Variants in AQR observed in about 807,000 individuals in gnomAD.
The protein encoded by AQR is aquarius intron-binding spliceosomal factor.
A neutral mutation model predicts 180.5 loss-of-function variants in AQR; 61 were observed. That is an observed-to-expected ratio of 0.34 (90% CI 0.28 to 0.42). The LOEUF (loss-of-function observed/expected upper bound fraction) is 0.42. Ranked by LOEUF, AQR falls within the 10% of genes least tolerant of loss-of-function variation. The pLI, the probability that AQR is intolerant of heterozygous loss-of-function variation, is 1.00. For missense variants in AQR, 1,281 were observed against 1,798.3 expected (o/e 0.71, Z 5.20); for synonymous variants, 551 against 588.8 (o/e 0.94, Z 0.93).
chr15:34,896,958 A>G lies in AQR; in HGVS notation c.2399T>C (p.Ile800Thr). The change falls in exon 22 of 35, where the codon ATT becomes ACT. Residue 800 changes from isoleucine to threonine, a missense_variant. Coordinates refer to ENST00000156471, the MANE Select transcript of AQR (RefSeq NM_014691.3). ...YPYNQPKRNT[I>T]QFTHTQIEAI... Reference sequence around the variant, plus strand: ...TTCTATCTGTGTATGAGTGAACTGAATCGTATTACTGCAAATAAGAGTAAA... The same window carrying G: ...TTCTATCTGTGTATGAGTGAACTGAGTCGTATTACTGCAAATAAGAGTAAA... 1 of 1,612,134 alleles carries G rather than the reference A, an allele frequency of 6.2e-7. No homozygotes were observed. Among genetic ancestry groups the G allele is most frequent in the Non-Finnish European group, 8.5e-7 (1 of 1,178,184 alleles).
At chr15:34,890,658 T>C (rs1486881136) in intron 23 of AQR, among the ~76,000 whole-genome samples, 2 of 152,196 alleles carry the variant, frequency 1.3e-5, no homozygotes, top group East Asian at 1.9e-4. Flanking sequence ...CAGCATTTCC[T>C]TGGGTTACAG....
At chr15:34,918,674 A>G (rs1284577668) in intron 14 of AQR, among the ~76,000 whole-genome samples, 2 of 152,240 alleles carry the variant, frequency 1.3e-5, no homozygotes, top group Non-Finnish European at 2.9e-5. Flanking sequence ...AAACAGATAA[A>G]GTGCCACACA....
intron 4 of AQR, among the ~76,000 whole-genome samples, chr15:34,950,025 C>T (rs1046972814): frequency 6.6e-6 from 1 of 150,458 alleles, no homozygotes; most frequent in African/African-American, 2.4e-5. Flanking sequence ...CTCATTCTAG[C>T]CTCCACATAC....
intron 26 of AQR, among the ~76,000 whole-genome samples, chr15:34,883,440 C>A (rs1263530950): frequency 6.6e-6 from 1 of 152,134 alleles, no homozygotes; most frequent in Non-Finnish European, 1.5e-5. Flanking sequence ...CCTCCCAAGG[C>A]AGCTATTATT....
Position 34,858,814 on chromosome 15 carries a change from T to C in AQR, c.4143+1228A>G, listed in dbSNP as rs1892628312. Among the ~76,000 whole-genome samples, 3 of 152,170 alleles carry C rather than the reference T, an allele frequency of 2.0e-5. No individual in the cohort carries two copies. The South Asian group carries it at 6.2e-4, about 32-fold the overall frequency. ...TAGTCAATTGATATTTTGACTAAGA[T>C]GACAAGCAAGTCAACAAAGAAAAAA... On this transcript the variant is annotated intron_variant, in intron 34 of 34. Coordinates refer to ENST00000156471, the MANE Select transcript of AQR (RefSeq NM_014691.3).
chr15:34,949,037 G>C (rs1354322175), intron 4 of AQR, among the ~76,000 whole-genome samples: 1 of 151,772 alleles, frequency 6.6e-6, no homozygotes, highest in Non-Finnish European at 1.5e-5. Context: ...TTGTGGCCCA[G>C]ACTGGAGTAC....
rs1322490313 is a variant in AQR at position 34,870,610 on chromosome 15, C to A, written c.3768+142G>T. The A allele has an allele frequency of 1.8e-5, 12 of 648,758 alleles. No individual in the cohort carries two copies. In the East Asian group the frequency reaches 3.5e-4, roughly 19 times the overall value. 40.2% of individuals were successfully genotyped at this position (648,758 alleles called of 1,614,324 possible). A position where few individuals can be genotyped will look rare whatever the true frequency, so the allele number is the denominator to read the frequency against. On this transcript the variant is annotated intron_variant, in intron 31 of 34. Transcript: ENST00000156471. Reference sequence around the variant, plus strand: ...AGTCACATCAAACCAGCAAGACTGTCAGAGAGTTATTTATAGTTCCCATTA... The same window carrying A: ...AGTCACATCAAACCAGCAAGACTGTAAGAGAGTTATTTATAGTTCCCATTA...
chr15:34,927,200 T>G, intron 12 of AQR, 62 bp from the exon 13 acceptor site: 1 of 913,306 alleles, frequency 1.1e-6, no homozygotes, highest in South Asian at 2.4e-5. Context: ...AAACATCTAC[T>G]ATTTAAGAAT....
intron 6 of AQR, chr15:34,943,198 G>A (rs757298514): frequency 1.5e-5 from 24 of 1,610,362 alleles, no homozygotes; most frequent in Admixed American, 8.3e-5. Context: ...GGAAAGCGGC[G>A]TTATGACAGG....
chr15:34,911,143 G>A (rs8040333), intron 16 of AQR, among the ~76,000 whole-genome samples: 66,948 of 152,034 alleles, frequency 0.44, 17,799 homozygotes, highest in Non-Finnish European at 0.6. Context: ...ATCCCATTGT[G>A]TGTTTTTATA....
At chr15:34,935,208 A>G (rs546818129) in intron 9 of AQR, among the ~76,000 whole-genome samples, 42 of 152,260 alleles carry the variant, frequency 2.8e-4, no homozygotes, top group African/African-American at 9.9e-4. Context: ...TTAAATCACT[A>G]GCTTATTATA....
rs778585380 is a variant in AQR, at chr15:34,886,601, T to A, written c.2742A>T (p.Arg914=). ...CTGGAACCCCTAGACTCTTTTGCAATCGTTTGACTTCTTCTAAAAGTTCTA... is the reference window on the plus strand; with the variant it reads ...CTGGAACCCCTAGACTCTTTTGCAAACGTTTGACTTCTTCTAAAAGTTCTA... ...RRIELLEEVK[R]LQKSLGVPGD... The change falls in exon 25 of 35, where the codon CGA becomes CGT. Residue 914 remains arginine, a synonymous_variant. Coordinates refer to ENST00000156471, the MANE Select transcript of AQR (RefSeq NM_014691.3). 7.4e-6 allele frequency: 12 copies of A among 1,614,062 alleles called. No individual in the cohort carries two copies. The highest frequency in any genetic ancestry group is 6.7e-5 in the Admixed American group (4 of 60,020).
intron 20 of AQR, among the ~76,000 whole-genome samples, chr15:34,898,774 C>T (rs1398816625): frequency 1.3e-5 from 2 of 151,596 alleles, no homozygotes; most frequent in Non-Finnish European, 2.9e-5. Context: ...GTCCCAGCTA[C>T]TCAGGAGGCT....
At chr15:34,904,597 A>T in intron 18 of AQR, 92 bp from the exon 19 acceptor site, 1 of 1,270,328 alleles carries the variant, frequency 7.9e-7, no homozygotes, top group East Asian at 2.6e-5. Context: ...AATGGTGAGT[A>T]AATGGTTCAG....
intron 29 of AQR, chr15:34,874,384 T>C: frequency 2.8e-6 from 1 of 350,922 alleles, no homozygotes; most frequent in Non-Finnish European, 5.0e-6. Context: ...ATTTTAAAAT[T>C]ATATTAACTG....
chr15:34,922,965 T>C (rs1482532987), intron 13 of AQR, among the ~76,000 whole-genome samples: 1 of 152,230 alleles, frequency 6.6e-6, no homozygotes, highest in East Asian at 1.9e-4. Context: ...AAATCTTTTG[T>C]CACCTGTAAA....
intron 29 of AQR, chr15:34,874,225 C>T (rs1361244582): frequency 2.4e-6 from 1 of 417,140 alleles, no homozygotes; most frequent in Non-Finnish European, 4.2e-6. Context: ...CTATTACGCT[C>T]TCTGAGGTCA....
intron 17 of AQR, 134 bp from the exon 18 acceptor site, chr15:34,906,846 G>T (rs1030208205): frequency 6.6e-6 from 5 of 757,220 alleles, no homozygotes; most frequent in African/African-American, 3.5e-5. Context: ...GATTATTATC[G>T]CATTGTAACA....
rs763096078 is a variant in AQR at position 34,938,817 on chromosome 15, A to C, written c.642-4T>G. ...AAATCTCCTCTCTTGATATGCCCTA[A>C]AATCAGAAAGAACATTGACCAATTA... On this transcript the variant is annotated splice_polypyrimidine_tract_variant and splice_region_variant and intron_variant, in intron 8 of 34. Coordinates refer to ENST00000156471, the MANE Select transcript of AQR (RefSeq NM_014691.3). 3 of 1,598,230 alleles carry C rather than the reference A, an allele frequency of 1.9e-6. No homozygotes were observed. In the Admixed American group the frequency reaches 5.1e-5, roughly 27 times the overall value.
Sources: gnomAD v4.1 joint callset for allele counts (sites outside exome capture counted in the v4.1 genomes callset) on GRCh38, gnomAD v4.1.1 for gene constraint, MANE v1.5 for transcripts, NCBI Gene and HGNC (gene_info 2026-07-23, HGNC 2026-07-21) for gene names.